The following NUBPL variants were observed in gnomAD, a reference collection of about 807,000 sequenced individuals.
NUBPL encodes NUBP iron-sulfur cluster assembly factor, mitochondrial.
In NUBPL, 31 loss-of-function variants were observed where a neutral mutation model predicts 45.7. The observed-to-expected ratio is 0.68, with a 90% CI of 0.51 to 0.92. The LOEUF (loss-of-function observed/expected upper bound fraction) is 0.92. Ranked by LOEUF, NUBPL falls within the 40% of genes least tolerant of loss-of-function variation. The probability of loss-of-function intolerance (pLI) is 0.00; values close to 1 mark genes in which losing one functional copy is unlikely to be tolerated. For synonymous variants in NUBPL, 144 were observed against 140.9 expected, an observed-to-expected ratio of 1.02 and a Z score of -0.15; for missense variants, 401 against 398.7, an observed-to-expected ratio of 1.01 and a Z score of -0.05.
At chr14:31,606,036 C>T (rs1015762399) in intron 4 of NUBPL, among the ~76,000 whole-genome samples, 1 of 150,362 alleles carries the variant, frequency 6.7e-6, no homozygotes, top group African/African-American at 2.4e-5. Flanking sequence ...CCTTCTCCCT[C>T]CTCCTCCCTC....
At chr14:31,839,073 A>T (rs2040328797) in intron 8 of NUBPL, among the ~76,000 whole-genome samples, 1 of 152,186 alleles carries the variant, frequency 6.6e-6, no homozygotes, top group Admixed American at 6.5e-5. Flanking sequence ...TGAAAAACAG[A>T]TGGTTGTTTT....
intron 4 of NUBPL, among the ~76,000 whole-genome samples, chr14:31,640,604 G>A (rs2035663153): frequency 8.5e-6 from 1 of 118,290 alleles, no homozygotes; most frequent in African/African-American, 3.8e-5. Context: ...GACAGAGTGA[G>A]ACTCTGTCTC....
At chr14:31,673,750 C>G (rs1032194712) in intron 6 of NUBPL, among the ~76,000 whole-genome samples, 176 bp downstream of exon 6, 2 of 152,170 alleles carry the variant, frequency 1.3e-5, no homozygotes, top group African/African-American at 4.8e-5. Context: ...TCACTGTTAA[C>G]ATGATTTAAT....
chr14:31,594,726 CAT>C (rs1302869133), intron 3 of NUBPL, among the ~76,000 whole-genome samples: 6 of 152,232 alleles, frequency 3.9e-5, no homozygotes, highest in East Asian at 1.9e-4. Context: ...AATTTGGAAA[CAT>C]ATATTTTTCT....
chr14:31,857,786 A>G (rs2040648012), intron 10 of NUBPL, among the ~76,000 whole-genome samples: 1 of 152,140 alleles, frequency 6.6e-6, no homozygotes, highest in South Asian at 2.1e-4. Context: ...CTTATTGTTC[A>G]TATCAGTATC....
At chr14:31,799,362 A>G (rs184763599) in intron 7 of NUBPL, among the ~76,000 whole-genome samples, 1 of 152,320 alleles carries the variant, frequency 6.6e-6, no homozygotes, top group East Asian at 1.9e-4. Flanking sequence ...CTCCACAAGT[A>G]AGGGTAGATA....
intron 6 of NUBPL, among the ~76,000 whole-genome samples, chr14:31,681,441 G>T (rs2036830272): frequency 1.3e-5 from 2 of 148,718 alleles, no homozygotes; most frequent in South Asian, 2.1e-4. Flanking sequence ...TTTTATTCTT[G>T]ATTGTTCTTG....
Position 31,754,341 on chromosome 14 carries a change from T to C in NUBPL, c.514-33439T>C, listed in dbSNP as rs192401575. Among the ~76,000 whole-genome samples, 317 of 152,310 alleles carry C rather than the reference T, an allele frequency of 2.1e-3. 1 individual carries two copies. Among genetic ancestry groups the C allele is most frequent in the African/African-American group, 7.3e-3 (303 of 41,576 alleles). ...GTTAGCATAAATTATGGAGTAGTCA[T>C]GCCAAATATTTAGACCAGAATCTGA... On this transcript the variant is annotated intron_variant, in intron 6 of 10. Transcript: ENST00000281081.
chr14:31,769,680 T>G (rs1342290130), intron 6 of NUBPL, among the ~76,000 whole-genome samples: 1 of 152,154 alleles, frequency 6.6e-6, no homozygotes, highest in African/African-American at 2.4e-5. Context: ...AAAGCTTCTT[T>G]GTTATTTTGG....
intron 6 of NUBPL, among the ~76,000 whole-genome samples, chr14:31,723,655 C>G (rs1229268717): frequency 2.6e-5 from 4 of 151,974 alleles, no homozygotes; most frequent in Non-Finnish European, 5.9e-5. Context: ...TTGTAGAGAT[C>G]TTTCACCTCC....
intron 6 of NUBPL, among the ~76,000 whole-genome samples, chr14:31,782,412 A>G (rs776335465): frequency 1.6e-4 from 24 of 151,592 alleles, no homozygotes; most frequent in Non-Finnish European, 1.5e-5. Context: ...CAAACAATCA[A>G]ACAAGAAACA....
At chr14:31,711,741 G>T (rs1232569601) in intron 6 of NUBPL, among the ~76,000 whole-genome samples, 1 of 152,078 alleles carries the variant, frequency 6.6e-6, no homozygotes, top group East Asian at 1.9e-4. Context: ...GACCTTCGCG[G>T]TGAGTGTTAC....
chr14:31,857,436 G>A (rs191619835), intron 10 of NUBPL, among the ~76,000 whole-genome samples: 101 of 152,238 alleles, frequency 6.6e-4, no homozygotes, highest in East Asian at 2.5e-3. Flanking sequence ...ATTAACATTC[G>A]GCTCCTAGTT....
intron 7 of NUBPL, among the ~76,000 whole-genome samples, chr14:31,804,555 T>C (rs1282216754): frequency 2.0e-5 from 3 of 152,020 alleles, no homozygotes; most frequent in African/African-American, 7.2e-5. Flanking sequence ...CATTCAGTTT[T>C]GTCGTTTAAG....
intron 4 of NUBPL, among the ~76,000 whole-genome samples, chr14:31,662,688 T>C (rs1488094131): frequency 1.3e-5 from 2 of 152,232 alleles, no homozygotes; most frequent in Non-Finnish European, 2.9e-5. Context: ...CTGTGGTGTA[T>C]ATTCTTTATC....
intron 6 of NUBPL, among the ~76,000 whole-genome samples, chr14:31,725,719 T>TTTC (rs1421972056): frequency 6.8e-6 from 1 of 147,682 alleles, no homozygotes; most frequent in East Asian, 2.0e-4. Flanking sequence ...CTTTTTTTTT[T>TTTC]TTTTTTTTTG....
Position 31,663,546 on chromosome 14 carries a change from C to T in NUBPL, c.383-9809C>T, listed in dbSNP as rs555501788. ...TCAGGTTTGTCAAGGGTCAGATGGT[C>T]GTAGATGTGTGGTGTTATTTCTCAG... On this transcript the variant is annotated intron_variant, in intron 4 of 10. Coordinates refer to ENST00000281081, the MANE Select transcript of NUBPL (RefSeq NM_025152.3). Among the ~76,000 whole-genome samples the T allele has an allele frequency of 7.3e-4, 111 of 152,150 alleles. 1 individual carries two copies. The South Asian group carries it at 0.022, about 30-fold the overall frequency.
chr14:31,787,060 G>T (rs554525665), intron 6 of NUBPL, among the ~76,000 whole-genome samples: 2 of 152,238 alleles, frequency 1.3e-5, no homozygotes, highest in South Asian at 4.2e-4. Flanking sequence ...ACTGATTGGG[G>T]ATAGTGAAGG....
chr14:31,754,261 G>A (rs1350444934), intron 6 of NUBPL, among the ~76,000 whole-genome samples: 1 of 152,060 alleles, frequency 6.6e-6, no homozygotes, highest in Non-Finnish European at 1.5e-5. Context: ...TAAGATCTAG[G>A]CAGCAATTAT....
Sources: gnomAD v4.1 joint callset for allele counts (sites outside exome capture counted in the v4.1 genomes callset) on GRCh38, gnomAD v4.1.1 for gene constraint, MANE v1.5 for transcripts, NCBI Gene and HGNC (gene_info 2026-07-23, HGNC 2026-07-21) for gene names.